The following PRTG variants were observed in gnomAD, a reference collection of about 807,000 sequenced individuals.
PRTG encodes immunoglobulin superfamily, DCC subclass, member 5.
Under a neutral mutation model 122.5 loss-of-function variants are expected in PRTG, and 67 were observed. That is an observed-to-expected ratio of 0.55 (90% CI 0.45 to 0.67). The LOEUF is 0.67. Ranked by LOEUF, PRTG falls within the 30% of genes least tolerant of loss-of-function variation. PRTG has a pLI of 0.00. For synonymous variants in PRTG, 554 were observed against 501.1 expected (o/e 1.11, Z -1.41); for missense variants, 1,435 against 1,415.4 (o/e 1.01, Z -0.22).
chr15:55,672,650 G>GA lies in PRTG; in HGVS notation c.1853-18dup, dbSNP rs747732531. On this transcript the variant is annotated splice_polypyrimidine_tract_variant and intron_variant, in intron 10 of 19. Coordinates refer to ENST00000389286, the MANE Select transcript of PRTG (RefSeq NM_173814.6). Reference sequence around the variant, plus strand: ...ACTTAGGGGCTAGCAAAATTCATCAGAAAATGTATGTATAAACAACCCAAT... The same window carrying GA: ...ACTTAGGGGCTAGCAAAATTCATCAGAAAAATGTATGTATAAACAACCCAAT... 1 of 1,592,262 alleles carries GA rather than the reference G, an allele frequency of 6.3e-7. No individual in the cohort carries two copies. Among genetic ancestry groups the GA allele is most frequent in the Non-Finnish European group, 8.6e-7 (1 of 1,167,108 alleles).
chr15:55,720,961 A>G (rs1423696412), intron 2 of PRTG, among the ~76,000 whole-genome samples: 1 of 152,068 alleles, frequency 6.6e-6, no homozygotes, highest in Admixed American at 6.6e-5. Context: ...TGGATGGTCC[A>G]CCTAGACATC....
intron 4 of PRTG, 51 bp from the exon 5 acceptor site, chr15:55,680,679 A>C (rs778531155): frequency 5.7e-6 from 7 of 1,222,652 alleles, no homozygotes; most frequent in Non-Finnish European, 6.6e-6. Flanking sequence ...ATAAGATATA[A>C]TAAGTGAAAT....
intron 13 of PRTG, 35 bp from the exon 14 acceptor site, chr15:55,638,711 T>C (rs2141732917): frequency 1.3e-6 from 2 of 1,584,602 alleles, no homozygotes; most frequent in African/African-American, 1.4e-5. Context: ...TTAATGCTGG[T>C]AGTATAATAT....
At chr15:55,628,071 A>T (rs1476024746) in intron 16 of PRTG, among the ~76,000 whole-genome samples, 5 of 152,164 alleles carry the variant, frequency 3.3e-5, no homozygotes, top group Non-Finnish European at 5.9e-5. Context: ...CTGTTCTTAA[A>T]ACTGACTGCC....
At chr15:55,669,305 C>A (rs894587013) in intron 11 of PRTG, among the ~76,000 whole-genome samples, 112 of 152,282 alleles carry the variant, frequency 7.4e-4, no homozygotes, top group African/African-American at 2.5e-3. Context: ...GCCGACTTAG[C>A]AAATCTAGCT....
chr15:55,633,206 G>C (rs1182894274), intron 15 of PRTG, among the ~76,000 whole-genome samples: 1 of 151,978 alleles, frequency 6.6e-6, no homozygotes, highest in Non-Finnish European at 1.5e-5. Flanking sequence ...AGTTTGTGCT[G>C]ATTTACTGCA....
intron 2 of PRTG, among the ~76,000 whole-genome samples, chr15:55,722,255 G>T (rs2030853016): frequency 6.6e-6 from 1 of 152,084 alleles, no homozygotes; most frequent in African/African-American, 2.4e-5. Flanking sequence ...ACTCCACCAG[G>T]AATAAACTTT....
In PRTG at chr15:55,639,699, G is replaced by A; in HGVS notation, c.2267C>T (p.Thr756Ile). 3 of 1,614,164 alleles carry A rather than the reference G, an allele frequency of 1.9e-6. No homozygotes were observed. The highest frequency in any genetic ancestry group is 2.5e-6 in the Non-Finnish European group (3 of 1,180,028). Residue 756 changes from threonine to isoleucine, a missense_variant, in exon 13 of 20, where the codon ACC (threonine) becomes ATC (isoleucine). By Grantham distance (89) the Thr-to-Ile change is moderately conservative. Transcript: ENST00000389286. ...AFTAAQIINY[T>I]IRCNPVGLQN... ...CAGGCCAACAGGATTACAGCGGATG[G>A]TGTAGTTAATGATTTGTGCAGCGGT...
rs1567067860 is a variant in PRTG, at chr15:55,612,737, T to TATATATATATATATATATATATATAC, written c.*7274_*7275insGTATATATATATATATATATATATAT. 1 of 54,326 alleles carries TATATATATATATATATATATATATAC rather than the reference T, an allele frequency of 1.8e-5. No individual in the cohort carries two copies. The highest frequency in any genetic ancestry group is 4.6e-5 in the African/African-American group (1 of 21,680). The allele number at this position is 54,326 out of a possible 1,614,324, so 3.4% of individuals were successfully genotyped here. ...ATATATATATATATATATATATATA[T>TATATATATATATATATATATATATAC]ATATATATATATGACTTAAATTGGA... On this transcript the variant is annotated 3_prime_UTR_variant, in exon 20 of 20. Coordinates refer to ENST00000389286, the MANE Select transcript of PRTG (RefSeq NM_173814.6).
chr15:55,691,987 C>T (rs1045840015), intron 2 of PRTG, among the ~76,000 whole-genome samples: 1 of 149,344 alleles, frequency 6.7e-6, no homozygotes, highest in Non-Finnish European at 1.5e-5. Context: ...CAGTGAGCCA[C>T]GATCACACCA....
chr15:55,679,113 A>T (rs2059521599), intron 7 of PRTG, among the ~76,000 whole-genome samples, 173 bp downstream of exon 7: 1 of 152,212 alleles, frequency 6.6e-6, no homozygotes, highest in African/African-American at 2.4e-5. Context: ...AGTATTTAGC[A>T]TAGCACATGT....
At chr15:55,637,546 T>A (rs1445975191) in intron 14 of PRTG, among the ~76,000 whole-genome samples, 1 of 152,194 alleles carries the variant, frequency 6.6e-6, no homozygotes, top group East Asian at 1.9e-4. Context: ...ACACATTAGA[T>A]TCCTAGATGG....
chr15:55,640,242 T>C (rs1032337024), intron 12 of PRTG, among the ~76,000 whole-genome samples: 1 of 152,200 alleles, frequency 6.6e-6, no homozygotes, highest in Non-Finnish European at 1.5e-5. Flanking sequence ...TGTAACACAA[T>C]GGTATTTGTG....
intron 2 of PRTG, among the ~76,000 whole-genome samples, chr15:55,721,169 G>T (rs1055863608): frequency 6.6e-6 from 1 of 152,060 alleles, no homozygotes; most frequent in African/African-American, 2.4e-5. Context: ...TTGTAAAATC[G>T]TAATAACCTA....
At position 55,683,814 on chromosome 15, in the gene PRTG, C is replaced by A; in HGVS notation, c.515G>T (p.Arg172Leu). 6.2e-7 allele frequency: 1 copy of A among 1,613,664 alleles called. No individual in the cohort carries two copies. Among genetic ancestry groups the A allele is most frequent in the Non-Finnish European group, 8.5e-7 (1 of 1,179,788 alleles). Residue 172 changes from arginine (R) to leucine (L), a missense_variant, in exon 3 of 20, where the codon CGG (arginine) becomes CTG (leucine). Transcript: ENST00000389286. ...GTCCATAGTCATAGGTAGAGTTGTC[C>A]GATTGAACTCCCATGTTATGACTGC... ...PPAVITWEFN[R>L]TTLPMTMDRI... is the part of the protein sequence containing the mutation.
rs550101907 is a variant in PRTG, at chr15:55,672,438, C to G, written c.2041+7G>C. 1 of 1,607,552 alleles carries G rather than the reference C, an allele frequency of 6.2e-7. No individual in the cohort carries two copies. Among genetic ancestry groups the G allele is most frequent in the African/African-American group, 1.3e-5 (1 of 74,796 alleles). ...AAAAGGGAAAAATACAGTACAAACT[C>G]ACTCACCTAAGCCACTGAGAGTATA... On this transcript the variant is annotated splice_region_variant and intron_variant, in intron 11 of 19. Transcript: ENST00000389286.
chr15:55,708,301 T>C (rs1409384646), intron 2 of PRTG, among the ~76,000 whole-genome samples: 1 of 151,304 alleles, frequency 6.6e-6, no homozygotes, highest in African/African-American at 2.4e-5. Context: ...AGATCAGGAA[T>C]GAATGGTGCA....
At chr15:55,658,321 T>A (rs1034951897) in intron 11 of PRTG, among the ~76,000 whole-genome samples, 33 of 151,760 alleles carry the variant, frequency 2.2e-4, no homozygotes, top group African/African-American at 6.5e-4. Flanking sequence ...TTTTTATTTT[T>A]TTTTTTTTTT....
chr15:55,717,845 C>T (rs1237724253), intron 2 of PRTG, among the ~76,000 whole-genome samples: 3 of 152,208 alleles, frequency 2.0e-5, no homozygotes, highest in African/African-American at 7.2e-5. Context: ...AGCCCGCCTG[C>T]ACCCAGGTGA....
Sources: gnomAD v4.1 joint callset for allele counts (sites outside exome capture counted in the v4.1 genomes callset) on GRCh38, gnomAD v4.1.1 for gene constraint, MANE v1.5 for transcripts, NCBI Gene and HGNC (gene_info 2026-07-23, HGNC 2026-07-21) for gene names.